Variants in FHIT observed in about 807,000 individuals in gnomAD.
FHIT encodes the protein bis(5'-adenosyl)-triphosphatase.
A neutral mutation model predicts 17.9 loss-of-function variants in FHIT; 19 were observed. That is an observed-to-expected ratio of 1.06 (90% CI 0.74 to 1.56). FHIT has a LOEUF of 1.56. FHIT is among the 40% of genes most tolerant of loss of function. FHIT has a pLI of 0.00. For missense variants in FHIT, 248 were observed against 189.2 expected (o/e 1.31, Z -1.82); for synonymous variants, 81 against 69.7 (o/e 1.16, Z -0.81).
chr3:60,072,079 A>G (rs1392063642), intron 5 of FHIT, among the ~76,000 whole-genome samples: 3 of 152,328 alleles, frequency 2.0e-5, no homozygotes, highest in African/African-American at 7.2e-5. Context: ...AATACAGGTA[A>G]TAAAGACTTG....
intron 5 of FHIT, among the ~76,000 whole-genome samples, chr3:60,463,456 T>C (rs1324925641): frequency 6.6e-6 from 1 of 152,222 alleles, no homozygotes; most frequent in Non-Finnish European, 1.5e-5. Context: ...TCTGTTTCAG[T>C]TGGCCCTATT....
chr3:59,855,713 T>C (rs1702125806), intron 8 of FHIT, among the ~76,000 whole-genome samples: 1 of 151,090 alleles, frequency 6.6e-6, no homozygotes, highest in African/African-American at 2.4e-5. Context: ...AATAGAAAAA[T>C]ATTTTCTAGA....
intron 5 of FHIT, among the ~76,000 whole-genome samples, chr3:60,036,920 G>A (rs1701241142): frequency 6.6e-6 from 1 of 152,200 alleles, no homozygotes; most frequent in Non-Finnish European, 1.5e-5. Context: ...AAATATCAGT[G>A]TAGTCTTCAC....
At chr3:59,942,930 T>C (rs1474308) in intron 7 of FHIT, among the ~76,000 whole-genome samples, 4,793 of 152,224 alleles carry the variant, frequency 0.031, 93 homozygotes, top group African/African-American at 0.046. Context: ...ATTACAAGCA[T>C]GACCCACTGT....
At chr3:60,903,922 C>T (rs1321244905) in intron 3 of FHIT, among the ~76,000 whole-genome samples, 1 of 152,094 alleles carries the variant, frequency 6.6e-6, no homozygotes, top group Non-Finnish European at 1.5e-5. Context: ...AAGGAGACTC[C>T]ACAAAGGAAA....
chr3:60,643,394 A>G (rs1553685915), intron 4 of FHIT, among the ~76,000 whole-genome samples: 1 of 152,190 alleles, frequency 6.6e-6, no homozygotes, highest in African/African-American at 2.4e-5. Flanking sequence ...CAGAACTAGA[A>G]AAAACAATCC....
At chr3:60,138,829 T>A (rs1455475281) in intron 5 of FHIT, among the ~76,000 whole-genome samples, 5 of 152,072 alleles carry the variant, frequency 3.3e-5, no homozygotes, top group Non-Finnish European at 7.4e-5. Flanking sequence ...ACTCAGGAAG[T>A]CACCAACAGA....
intron 8 of FHIT, among the ~76,000 whole-genome samples, chr3:59,795,552 A>C (rs998990270): frequency 6.6e-6 from 1 of 151,330 alleles, no homozygotes; most frequent in African/African-American, 2.4e-5. Context: ...GCAAAACCTC[A>C]TCTCTACCAA....
chr3:60,488,930 A>T (rs961892501), intron 5 of FHIT, among the ~76,000 whole-genome samples: 1 of 152,186 alleles, frequency 6.6e-6, no homozygotes, highest in Non-Finnish European at 1.5e-5. Flanking sequence ...AACAAAATCT[A>T]TTCCACCTTT....
chr3:60,795,347 T>C (rs1391711956), intron 4 of FHIT, among the ~76,000 whole-genome samples: 1 of 152,246 alleles, frequency 6.6e-6, no homozygotes, highest in African/African-American at 2.4e-5. Context: ...ATTTTTCCGA[T>C]GTTATTAAAG....
intron 4 of FHIT, among the ~76,000 whole-genome samples, chr3:60,638,263 G>A (rs78978727): frequency 9.0e-4 from 137 of 152,266 alleles, no homozygotes; most frequent in African/African-American, 3.2e-3. Flanking sequence ...AGGAATCACA[G>A]TTAATAAAAG....
chr3:60,504,724 A>AT (rs1440029059), intron 5 of FHIT, among the ~76,000 whole-genome samples: 3 of 152,178 alleles, frequency 2.0e-5, no homozygotes, highest in African/African-American at 2.4e-5. Flanking sequence ...GAAATATGTG[A>AT]TTTTTTAATT....
chr3:60,532,936 C>T (rs1048638379), intron 5 of FHIT, among the ~76,000 whole-genome samples: 7 of 151,180 alleles, frequency 4.6e-5, no homozygotes, highest in African/African-American at 1.7e-4. Context: ...TGGCACACTC[C>T]CCAAAGGGCA....
chr3:60,418,735 G>A (rs1330077194), intron 5 of FHIT, among the ~76,000 whole-genome samples: 1 of 150,484 alleles, frequency 6.6e-6, no homozygotes, highest in African/African-American at 2.5e-5. Flanking sequence ...CTCCAGCATG[G>A]GGAACAAAGT....
intron 4 of FHIT, among the ~76,000 whole-genome samples, chr3:60,767,972 C>T (rs1699911278): frequency 6.6e-6 from 1 of 152,120 alleles, no homozygotes. Flanking sequence ...CTGTTTTAAC[C>T]CAAACCTAAG....
At chr3:60,053,195 G>A (rs1418211290) in intron 5 of FHIT, among the ~76,000 whole-genome samples, 1 of 151,464 alleles carries the variant, frequency 6.6e-6, no homozygotes, top group Non-Finnish European at 1.5e-5. Flanking sequence ...CAGTTTAGAT[G>A]TCACCTCCAT....
intron 5 of FHIT, among the ~76,000 whole-genome samples, chr3:60,025,093 G>C (rs145068963): frequency 2.0e-5 from 3 of 152,150 alleles, no homozygotes; most frequent in East Asian, 1.9e-4. Context: ...GTTCTGGCTT[G>C]GGTAGTAGGT....
intron 4 of FHIT, among the ~76,000 whole-genome samples, chr3:60,632,805 G>C (rs1292212717): frequency 6.6e-6 from 1 of 152,110 alleles, no homozygotes; most frequent in Admixed American, 6.6e-5. Context: ...GTTCTCTTTT[G>C]AGAATGGATT....
intron 8 of FHIT, among the ~76,000 whole-genome samples, chr3:59,777,365 A>G (rs1033748243): frequency 6.6e-6 from 1 of 151,624 alleles, no homozygotes; most frequent in Non-Finnish European, 1.5e-5. Context: ...ACCTATATTT[A>G]TCACCCAAAG....
Sources: allele counts gnomAD v4.1 joint callset (sites outside exome capture counted in the v4.1 genomes callset), GRCh38; gene constraint gnomAD v4.1.1; transcripts MANE v1.5; gene names NCBI Gene and HGNC (gene_info 2026-07-23, HGNC 2026-07-21).